The following CASKIN2 variants were observed in gnomAD, a reference collection of about 807,000 sequenced individuals.
The protein encoded by CASKIN2 is CASK interacting protein 2, also known as caskin-2.
A neutral mutation model predicts 107.1 loss-of-function variants in CASKIN2; 41 were observed. The observed-to-expected ratio is 0.38, with a 90% CI of 0.30 to 0.50. The LOEUF (loss-of-function observed/expected upper bound fraction) is 0.50. Among genes scored for constraint, CASKIN2 ranks in the 20% least tolerant of loss-of-function variants. The pLI is 0.92. For missense variants in CASKIN2, 1,546 were observed against 1,657.4 expected, an observed-to-expected ratio of 0.93 and a Z score of 1.17; for synonymous variants, 724 against 705.6, an observed-to-expected ratio of 1.03 and a Z score of -0.41.
rs1263394430 is a variant in CASKIN2 at position 75,506,928 on chromosome 17, C to A, written c.391-34G>T. The A allele has an allele frequency of 1.2e-6, 2 of 1,611,776 alleles. No homozygotes were observed. The highest frequency in any genetic ancestry group is 2.2e-5 in the East Asian group (1 of 44,842). ...GGGGGAGCCGAGTGAGGGGGCCTGG[C>A]CTGTCCGGCACCCCACCCTGCCCTG... On this transcript the variant is annotated intron_variant, in intron 5 of 19. Transcript: ENST00000321617. This position sits in a 1 kb window ranked among gnomAD's most constrained non-coding sequence, Gnocchi z 4.8.
At chr17:75,513,648 C>A (rs956440436) in intron 2 of CASKIN2, 63 bp downstream of exon 2, 15 of 1,284,296 alleles carry the variant, frequency 1.2e-5, no homozygotes, top group Admixed American at 8.6e-5. Context: ...CACCCCCACC[C>A]ACCAAGCCTC....
intron 3 of CASKIN2, chr17:75,507,903 C>G (rs1015058282): frequency 3.8e-5 from 22 of 581,372 alleles, no homozygotes; most frequent in Non-Finnish European, 6.1e-5. Flanking sequence ...CGCCTCCCAG[C>G]TGGCCCAGGG....
At chr17:75,507,799 A>T in intron 3 of CASKIN2, 118 bp from the exon 4 acceptor site, 2 of 739,002 alleles carry the variant, frequency 2.7e-6, no homozygotes, top group Non-Finnish European at 4.6e-6. Context: ...TGGCCCCCCC[A>T]ACCCCAGCAG....
In CASKIN2 at chr17:75,503,068, C is replaced by T. The variant is rs1269235596; in HGVS notation, c.2006G>A (p.Gly669Asp). ...TAGPRLLTFQ[G>D]SELSPELQAA... The stretch of plus-strand genomic sequence containing the variant: ...CTGTAGCTCTGGGCTTAGTTCGCTG[C>T]CCTGGAAGGTGAGGAGCCGTGGGCC... The change falls in exon 18 of 20, where the codon GGC (glycine) becomes GAC (aspartate). Residue 669 changes from glycine (G) to aspartate (D), a missense_variant. Coordinates refer to ENST00000321617, the MANE Select transcript of CASKIN2 (RefSeq NM_020753.5). The T allele has an allele frequency of 6.2e-7, 1 of 1,607,178 alleles. No individual in the cohort carries two copies.
intron 1 of CASKIN2, among the ~76,000 whole-genome samples, chr17:75,514,456 C>T (rs2053339812): frequency 6.6e-6 from 1 of 152,134 alleles, no homozygotes; most frequent in African/African-American, 2.4e-5. Flanking sequence ...CCCCAGGGCA[C>T]CTGGCAGTAC....
intron 2 of CASKIN2, among the ~76,000 whole-genome samples, chr17:75,512,090 C>A (rs956106555): frequency 2.8e-4 from 43 of 152,238 alleles, no homozygotes; most frequent in African/African-American, 9.6e-4. Context: ...CCAGGCCCTG[C>A]GTCTCCTGCC....
chr17:75,501,546 C>T lies in CASKIN2; in HGVS notation c.3440G>A (p.Arg1147Lys). ...CAGGGACGAGCTGGTCTGCTCCAGT[C>T]TCTGCTGGGCCTGGCCTGGGCCCAC... ...GTVGPGQAQQRLEQTSSSLAA... is the reference protein window; with the variant it reads ...GTVGPGQAQQKLEQTSSSLAA... Residue 1147 changes from arginine to lysine, a missense_variant, in exon 19 of 20, where the codon AGA (arginine) becomes AAA (lysine). By Grantham distance (26) the Arg-to-Lys change is conservative (BLOSUM62 2). Coordinates refer to ENST00000321617, the MANE Select transcript of CASKIN2 (RefSeq NM_020753.5). 1 of 1,612,450 alleles carries T rather than the reference C, an allele frequency of 6.2e-7. No homozygotes were observed. The highest frequency in any genetic ancestry group is 8.5e-7 in the Non-Finnish European group (1 of 1,179,578).
intron 2 of CASKIN2, among the ~76,000 whole-genome samples, chr17:75,508,564 C>A (rs1275732550): frequency 6.6e-6 from 1 of 152,216 alleles, no homozygotes; most frequent in Non-Finnish European, 1.5e-5. Context: ...GTGGGACTGG[C>A]ACGATGTGCC....
chr17:75,504,729 A>G, intron 11 of CASKIN2, 36 bp from the exon 12 acceptor site: 1 of 1,578,864 alleles, frequency 6.3e-7, no homozygotes, highest in East Asian at 2.3e-5. Context: ...CAGAGTCCCA[A>G]GTGTCGCTCT....
At position 75,504,943 on chromosome 17, in the gene CASKIN2, G is replaced by A; in HGVS notation, c.1061C>T (p.Ala354Val). The change falls in exon 11 of 20, where the codon GCC (alanine) becomes GTC (valine). Residue 354 changes from alanine (A) to valine (V), a missense_variant. By Grantham distance (64) the Ala-to-Val change is moderately conservative (BLOSUM62 0). Around this residue, in one of 6 missense-constraint regions of CASKIN2, gnomAD observed 1,311 missense variants for 1,311.0 expected, o/e 1.00. Transcript: ENST00000321617. ...VVSKRVGIPAARLPSAPTPLR... is the reference protein window; with the variant it reads ...VVSKRVGIPAVRLPSAPTPLR... ...GGGGGTGGGTGCGGAGGGGAGGCGGGCTGCAGGGATGCCCACCCGCTTGCT... is the reference window on the plus strand; with the variant it reads ...GGGGGTGGGTGCGGAGGGGAGGCGGACTGCAGGGATGCCCACCCGCTTGCT... The A allele has an allele frequency of 6.2e-7, 1 of 1,610,954 alleles. No individual in the cohort carries two copies.
rs571438204 is a variant in CASKIN2 at position 75,502,579 on chromosome 17, C to T, written c.2495G>A (p.Arg832Gln). Residue 832 changes from arginine to glutamine, a missense_variant, in exon 18 of 20, where the codon CGG becomes CAG. Arg to Gln is a conservative substitution (Grantham distance 43). This residue lies in a region of CASKIN2 where 1,311 missense variants were observed against 1,311.0 expected (regional missense o/e 1.00). Coordinates refer to ENST00000321617, the MANE Select transcript of CASKIN2 (RefSeq NM_020753.5). This position sits in a 1 kb window ranked among gnomAD's most constrained non-coding sequence, Gnocchi z 4.3. ...CCGGACAAGGGCACTGCGTCCTGGCCGCCGGGTAAGGGTAGCATAACTGCC... is the reference window on the plus strand; with the variant it reads ...CCGGACAAGGGCACTGCGTCCTGGCTGCCGGGTAAGGGTAGCATAACTGCC... The part of the protein sequence containing the change: ...TLGSYATLTR[R>Q]PGRSALVRTS... 2.0e-5 allele frequency: 32 copies of T among 1,589,410 alleles called. No individual in the cohort carries two copies. The highest frequency in any genetic ancestry group is 1.6e-4 in the Admixed American group (9 of 57,780).
chr17:75,508,382 T>A, intron 2 of CASKIN2, 97 bp from the exon 3 acceptor site: 1 of 1,370,876 alleles, frequency 7.3e-7, no homozygotes, highest in South Asian at 1.2e-5. Flanking sequence ...CCTCTTGGCG[T>A]GCAGGAAAGC....
rs745698301 is a variant in CASKIN2, at chr17:75,502,124, G to A, written c.2950C>T (p.Leu984Phe). 2 of 1,606,008 alleles carry A rather than the reference G, an allele frequency of 1.2e-6. No homozygotes were observed. Among genetic ancestry groups the A allele is most frequent in the Middle Eastern group, 1.7e-4 (1 of 6,054 alleles). Residue 984 changes from leucine (L) to phenylalanine (F), a missense_variant, in exon 18 of 20, where the codon CTC becomes TTC. Leu to Phe is a conservative substitution (Grantham distance 22). Transcript: ENST00000321617. This position sits in a 1 kb window ranked among gnomAD's most constrained non-coding sequence, Gnocchi z 4.3. ...CGCTTAACAGTGTCTGATTCCGTGA[G>A]GTTGAAATCGAGGCCGGGGGGCACG... ...TPVPPGLDFN[L>F]TESDTVKRRP...
Position 75,501,403 on chromosome 17 carries a change from G to A in CASKIN2, c.3518+65C>T, listed in dbSNP as rs887234535. ...CCTCCAACATCCCCATGATCCCTGG[G>A]CAGAGGATGCAGGGAGCACTGTTTC... On this transcript the variant is annotated intron_variant, in intron 19 of 19. Transcript: ENST00000321617. 5 of 1,505,542 alleles carry A rather than the reference G, an allele frequency of 3.3e-6. No homozygotes were observed. In the African/African-American group the frequency reaches 4.1e-5, roughly 12 times the overall value. The allele number at this position is 1,505,542 out of a possible 1,614,324, so 93.3% of individuals were successfully genotyped here. A position where few individuals can be genotyped will look rare whatever the true frequency, so the allele number is the denominator to read the frequency against.
rs760356347 is a variant in CASKIN2, at chr17:75,504,703, G to A, written c.1193-10C>T. ...CTATTCCTGTCACCTGCTGTGGGGG[G>A]CAGAAGCCAAGGGGTCAGAGTCCCA... On this transcript the variant is annotated splice_polypyrimidine_tract_variant and intron_variant, in intron 11 of 19. Transcript: ENST00000321617. 3 of 1,586,006 alleles carry A rather than the reference G, an allele frequency of 1.9e-6. No homozygotes were observed. Among genetic ancestry groups the A allele is most frequent in the Non-Finnish European group, 1.7e-6 (2 of 1,163,102 alleles).
In CASKIN2 at chr17:75,501,995, G is replaced by A. The variant is rs769920480; in HGVS notation, c.3079C>T (p.Pro1027Ser). ...CTAGAAGCTGGAGGAGACTCGCCAG[G>A]AGTTGGGGAAGGCAGTGGGGCAGCG... is the stretch of plus-strand genomic sequence containing the variant. ...GPAAPLPSPT[P>S]GESPPASSLP... Residue 1027 changes from proline (P) to serine (S), a missense_variant, in exon 18 of 20, where the codon CCT becomes TCT. By Grantham distance (74) the Pro-to-Ser change is moderately conservative. This residue lies in a region of CASKIN2 where 1,311 missense variants were observed against 1,311.0 expected (regional missense o/e 1.00). Coordinates refer to ENST00000321617, the MANE Select transcript of CASKIN2 (RefSeq NM_020753.5). 82 of 1,612,580 alleles carry A rather than the reference G, an allele frequency of 5.1e-5. No homozygotes were observed. Among genetic ancestry groups the A allele is most frequent in the Non-Finnish European group, 6.1e-5 (72 of 1,179,656 alleles).
Position 75,502,413 on chromosome 17 carries a change from A to T in CASKIN2, c.2661T>A (p.Pro887=). 1 of 1,354,848 alleles carries T rather than the reference A, an allele frequency of 7.4e-7. No homozygotes were observed. The highest frequency in any genetic ancestry group is 3.1e-5 in the East Asian group (1 of 32,766). 83.9% of individuals were successfully genotyped at this position (1,354,848 alleles called of 1,614,324 possible). The change falls in exon 18 of 20, where the codon CCT becomes CCA. Residue 887 remains proline (P), a synonymous_variant. Coordinates refer to ENST00000321617, the MANE Select transcript of CASKIN2 (RefSeq NM_020753.5). This position sits in a 1 kb window ranked among gnomAD's most constrained non-coding sequence, Gnocchi z 4.3. ...TGGGCCCTGGGCTCTCATCTAGTGG[A>T]GGTGGCTCCGGGCTGGGGCCAGAGA... is the stretch of plus-strand genomic sequence containing the variant. ...SSVSGPSPEP[P]PLDESPGPKE... is the part of the protein sequence containing the mutation.
At chr17:75,501,348 C>G in intron 19 of CASKIN2, 120 bp downstream of exon 19, 1 of 1,283,272 alleles carries the variant, frequency 7.8e-7, no homozygotes, top group Middle Eastern at 2.0e-4. Flanking sequence ...AACACCTGGC[C>G]TCTTATCCCG....
In CASKIN2 at chr17:75,505,036, T is replaced by G. The variant is rs1267499283; in HGVS notation, c.968A>C (p.His323Pro). The G allele has an allele frequency of 6.7e-7, 1 of 1,492,910 alleles. No homozygotes were observed. The highest frequency in any genetic ancestry group is 1.4e-5 in the African/African-American group (1 of 70,654). The allele number at this position is 1,492,910 out of a possible 1,614,324, so 92.5% of individuals were successfully genotyped here. Residue 323 changes from histidine (H) to proline (P), a missense_variant, in exon 11 of 20, where the codon CAC becomes CCC. By Grantham distance (77) the His-to-Pro change is moderately conservative. This residue lies in a region of CASKIN2 where 1,311 missense variants were observed against 1,311.0 expected (regional missense o/e 1.00). Coordinates refer to ENST00000321617, the MANE Select transcript of CASKIN2 (RefSeq NM_020753.5). The surrounding 1 kb of genome is among the most constrained non-coding windows in gnomAD (Gnocchi z 5.1). ...TGTGCCCCTCTGGCTCTCGTGGATG[T>G]GGCCCTTCCAGCGGCCGTCGGGATG... The part of the protein sequence containing the change: ...EQHPDGRWKG[H>P]IHESQRGTDR...
Sources: gnomAD v4.1 joint callset for allele counts (sites outside exome capture counted in the v4.1 genomes callset) on GRCh38, gnomAD v4.1.1 for gene constraint, gnomAD v4.1.1 regional missense constraint, Gnocchi (gnomAD v3.1) non-coding constraint, MANE v1.5 for transcripts, NCBI Gene and HGNC (gene_info 2026-07-23, HGNC 2026-07-21) for gene names.